Variants in SSR3 observed in about 807,000 individuals in gnomAD.
SSR3 encodes the protein signal sequence receptor subunit 3.
A neutral mutation model predicts 22.1 loss-of-function variants in SSR3; 10 were observed. The observed-to-expected ratio is 0.45, with a 90% CI of 0.28 to 0.77. The LOEUF is 0.77. Ranked by LOEUF, SSR3 falls within the 30% of genes least tolerant of loss-of-function variation. SSR3 has a pLI of 0.13. For synonymous variants in SSR3, 104 were observed against 82.5 expected (o/e 1.26, Z -1.42); for missense variants, 181 against 220.5 (o/e 0.82, Z 1.13).
Position 156,544,312 on chromosome 3 carries a change from T to C in SSR3, c.487A>G (p.Thr163Ala). ...AATCAACCTTGAAAAGGATACACTGTGGGGTTGAAGTTCTTCAATATGAAG... is the reference window on the plus strand; with the variant it reads ...AATCAACCTTGAAAAGGATACACTGCGGGGTTGAAGTTCTTCAATATGAAG... ...SFFILKNFNP[T>A]VNYILSISAS... is the part of the protein sequence containing the mutation. The change falls in exon 4 of 5, where the codon ACA becomes GCA. Residue 163 changes from threonine to alanine, a missense_variant. By Grantham distance (58) the Thr-to-Ala change is moderately conservative. Transcript: ENST00000265044. 1 of 1,586,256 alleles carries C rather than the reference T, an allele frequency of 6.3e-7. No homozygotes were observed. The highest frequency in any genetic ancestry group is 8.6e-7 in the Non-Finnish European group (1 of 1,167,436).
chr3:156,553,892 TAG>T (rs1314310460), intron 1 of SSR3, 111 bp from the exon 2 acceptor site: 2 of 1,091,960 alleles, frequency 1.8e-6, no homozygotes, highest in African/African-American at 3.2e-5. Flanking sequence ...ACCAGGTTAT[TAG>T]TTATGCAATC....
intron 3 of SSR3, among the ~76,000 whole-genome samples, chr3:156,544,962 C>T (rs138088051): frequency 2.1e-3 from 326 of 152,264 alleles, no homozygotes; most frequent in African/African-American, 6.9e-3. Flanking sequence ...AAAAAAAGAG[C>T]GCTTAATCAT....
intron 3 of SSR3, chr3:156,548,661 A>C: frequency 2.0e-6 from 1 of 508,280 alleles, no homozygotes. Flanking sequence ...AAGGAGATAA[A>C]AATAGTACCT....
intron 2 of SSR3, among the ~76,000 whole-genome samples, chr3:156,551,945 G>A (rs189579196): frequency 6.6e-6 from 1 of 152,288 alleles, no homozygotes; most frequent in East Asian, 1.9e-4. Flanking sequence ...AGACTCATAG[G>A]AAGGAAGCAG....
chr3:156,546,808 T>C (rs1719781170), intron 3 of SSR3, among the ~76,000 whole-genome samples: 2 of 152,260 alleles, frequency 1.3e-5, no homozygotes. Context: ...ACTCCCACTC[T>C]GGAATGAATG....
chr3:156,553,526 C>A, intron 2 of SSR3, 129 bp downstream of exon 2: 1 of 935,016 alleles, frequency 1.1e-6, no homozygotes, highest in Non-Finnish European at 1.5e-6. Context: ...GTTCCTTTCC[C>A]CCAAAATGTT....
In SSR3 at chr3:156,552,984, C is replaced by T. The variant is rs577603736; in HGVS notation, c.260+671G>A. Among the ~76,000 whole-genome samples the T allele has an allele frequency of 7.9e-4, 119 of 150,432 alleles. 1 individual carries two copies. The highest frequency in any genetic ancestry group is 2.8e-3 in the African/African-American group (116 of 40,854). On this transcript the variant is annotated intron_variant, in intron 2 of 4. Coordinates refer to ENST00000265044, the MANE Select transcript of SSR3 (RefSeq NM_007107.5). ...GATCTTAGACTATGTTAATCCTTTACATTTTATACACTTGTATGAAAACAA... is the reference window on the plus strand; with the variant it reads ...GATCTTAGACTATGTTAATCCTTTATATTTTATACACTTGTATGAAAACAA...
Position 156,544,436 on chromosome 3 carries a change from G to A in SSR3, c.363C>T (p.Ile121=). The A allele has an allele frequency of 6.4e-7, 1 of 1,571,372 alleles. No homozygotes were observed. Among genetic ancestry groups the A allele is most frequent in the Non-Finnish European group, 8.6e-7 (1 of 1,160,300 alleles). Residue 121 remains isoleucine (I), a synonymous_variant, in exon 4 of 5, where the codon ATC becomes ATT. Coordinates refer to ENST00000265044, the MANE Select transcript of SSR3 (RefSeq NM_007107.5). ...KMSRKEKDER[I]LWKKNEVADY... Reference sequence around the variant, plus strand: ...CAGCAACTTCATTCTTCTTCCACAAGATTCTACAGACACAGAAACAAGTCA... The same window carrying A: ...CAGCAACTTCATTCTTCTTCCACAAAATTCTACAGACACAGAAACAAGTCA...
At chr3:156,543,350 A>C in intron 4 of SSR3, 81 bp from the exon 5 acceptor site, 1 of 1,022,502 alleles carries the variant, frequency 9.8e-7, no homozygotes, top group Non-Finnish European at 1.5e-6. Flanking sequence ...TCTCTTTGGA[A>C]TGTACTGCTT....
intron 3 of SSR3, among the ~76,000 whole-genome samples, chr3:156,546,469 C>T (rs1719766264): frequency 6.6e-6 from 1 of 152,166 alleles, no homozygotes; most frequent in South Asian, 2.1e-4. Flanking sequence ...AAGAAGTGGC[C>T]CAATCCTTTA....
At chr3:156,548,563 T>C (rs1472790095) in intron 3 of SSR3, among the ~76,000 whole-genome samples, 2 of 152,194 alleles carry the variant, frequency 1.3e-5, no homozygotes, top group African/African-American at 4.8e-5. Context: ...AAACTGCCTG[T>C]GTTCTTATCA....
rs1393985990 is a variant in SSR3, at chr3:156,543,218, A to G, written c.543T>C (p.Ser181=). The G allele has an allele frequency of 6.2e-6, 10 of 1,613,966 alleles. No homozygotes were observed. Among genetic ancestry groups the G allele is most frequent in the Non-Finnish European group, 7.6e-6 (9 of 1,179,952 alleles). ...CTGACATGGTCTATTTGGAGCCAGT[A>G]GACAGGAGGGCGATGAGTCCTGATG... ...SASSGLIALL[S]TGSK is the part of the protein sequence containing the mutation. Residue 181 remains serine (S), a synonymous_variant, in exon 5 of 5, where the codon TCT becomes TCC. Transcript: ENST00000265044.
chr3:156,543,980 G>C (rs1719664103), intron 4 of SSR3: 1 of 299,098 alleles, frequency 3.3e-6, no homozygotes, highest in African/African-American at 2.1e-5. Flanking sequence ...AAAAATAACA[G>C]GTACAGGGGC....
At chr3:156,553,420 G>C (rs1052444904) in intron 2 of SSR3, among the ~76,000 whole-genome samples, 1 of 152,170 alleles carries the variant, frequency 6.6e-6, no homozygotes, top group African/African-American at 2.4e-5. Context: ...CTGTGTTTAA[G>C]TGTTCTAATT....
chr3:156,540,068 TTAATG>T lies in SSR3; in HGVS notation c.*3130_*3134del, dbSNP rs1395106704. 1 of 151,948 alleles carries T rather than the reference TTAATG, an allele frequency of 6.6e-6. No individual in the cohort carries two copies. The highest frequency in any genetic ancestry group is 1.9e-4 in the East Asian group (1 of 5,192). The allele number at this position is 151,948 out of a possible 1,614,324, so 9.4% of individuals were successfully genotyped here. ...TAAAACAATTTGAAAAAAAAGATGG[TTAATG>T]TAAAATAATATAATAAAGATTACGT... On this transcript the variant is annotated 3_prime_UTR_variant, in exon 5 of 5. Coordinates refer to ENST00000265044, the MANE Select transcript of SSR3 (RefSeq NM_007107.5).
At chr3:156,547,312 C>T (rs977262955) in intron 3 of SSR3, among the ~76,000 whole-genome samples, 1 of 152,082 alleles carries the variant, frequency 6.6e-6, no homozygotes, top group Non-Finnish European at 1.5e-5. Context: ...GAGACATAAC[C>T]CAGGATCAAG....
rs1719433598 is a variant in SSR3 at position 156,540,652 on chromosome 3, A to T, written c.*2551T>A. On this transcript the variant is annotated 3_prime_UTR_variant, in exon 5 of 5. Transcript: ENST00000265044. ...AGAATATCAATCCAAGATTTTTATT[A>T]AGTTAAAATGAAGGAACTAAAAATA... 6.6e-6 allele frequency: 1 copy of T among 151,334 alleles called. No homozygotes were observed. Among genetic ancestry groups the T allele is most frequent in the Non-Finnish European group, 1.5e-5 (1 of 67,842 alleles). The allele number at this position is 151,334 out of a possible 1,614,324, so 9.4% of individuals were successfully genotyped here.
chr3:156,555,022 T>C lies in SSR3; in HGVS notation c.68A>G (p.Asn23Ser), dbSNP rs1225837452. The change falls in exon 1 of 5, where the codon AAT becomes AGT. Residue 23 changes from asparagine (N) to serine (S), a missense_variant. Physicochemically the swap from Asn to Ser is conservative, Grantham distance 46 (BLOSUM62 1). Transcript: ENST00000265044. ...GAGCGCGGAGGACTTGGCCGAGAGA[T>C]TGCGGCTGAAATCCTGCAGGAGCAG... ...EDLLLQDFSR[N>S]LSAKSSALFF... The C allele has an allele frequency of 2.5e-6, 4 of 1,614,034 alleles. No individual in the cohort carries two copies. The highest frequency in any genetic ancestry group is 4.5e-5 in the East Asian group (2 of 44,876).
chr3:156,547,192 A>G (rs1033953454), intron 3 of SSR3, among the ~76,000 whole-genome samples: 2 of 152,122 alleles, frequency 1.3e-5, no homozygotes, highest in Non-Finnish European at 2.9e-5. Context: ...TGAAACCTCC[A>G]CCTCACCCCA....
Sources: gnomAD v4.1 joint callset for allele counts (sites outside exome capture counted in the v4.1 genomes callset) on GRCh38, gnomAD v4.1.1 for gene constraint, MANE v1.5 for transcripts, NCBI Gene and HGNC (gene_info 2026-07-23, HGNC 2026-07-21) for gene names.